Variants in AGBL3 observed in about 807,000 individuals in gnomAD.
The protein encoded by AGBL3 is AGBL carboxypeptidase 3, also known as cytosolic carboxypeptidase 3.
In AGBL3, 68 loss-of-function variants were observed where a neutral mutation model predicts 94.5. The ratio of observed to expected loss-of-function variants is 0.72; its 90% CI spans 0.59 to 0.88. AGBL3 has a LOEUF of 0.88. Ranked by LOEUF, AGBL3 falls within the 40% of genes least tolerant of loss-of-function variation. The pLI, the probability that AGBL3 is intolerant of heterozygous loss-of-function variation, is 0.00. For synonymous variants in AGBL3, 354 were observed against 370.7 expected (o/e 0.95, Z 0.52); for missense variants, 934 against 1,103.8 (o/e 0.85, Z 2.18).
chr7:135,081,649 A>C, intron 14 of AGBL3, 70 bp from the exon 15 acceptor site: 1 of 1,088,682 alleles, frequency 9.2e-7, no homozygotes, highest in Non-Finnish European at 1.3e-6. Flanking sequence ...CTTTGAAAAA[A>C]GATGAAAAAT....
intron 16 of AGBL3, among the ~76,000 whole-genome samples, chr7:135,124,378 G>A (rs746707514): frequency 6.6e-6 from 1 of 152,178 alleles, no homozygotes; most frequent in Non-Finnish European, 1.5e-5. Flanking sequence ...CCCAATACAG[G>A]AGCACCCAGA....
At chr7:135,040,106 T>C (rs2116510750) in intron 8 of AGBL3, among the ~76,000 whole-genome samples, 1 of 152,258 alleles carries the variant, frequency 6.6e-6, no homozygotes, top group East Asian at 1.9e-4. Flanking sequence ...TTTAACAACT[T>C]AGATGAAATG....
rs1318836038 is a variant in AGBL3 at position 135,045,838 on chromosome 7, CAT to C, written c.1772_1773del (p.Ile591AsnfsTer7). ...GAAAGAATTAGAAGAAATGGAAAGACATATAACCCTGGAAAAAGTCTTTGAGG... is the reference window on the plus strand; with the variant it reads ...GAAAGAATTAGAAGAAATGGAAAGACATAACCCTGGAAAAAGTCTTTGAGG... ...CLKELEEMER[H>X]ITLEKVFEDS... On this transcript the variant is annotated frameshift_variant, in exon 11 of 17. Coordinates refer to ENST00000436302, the MANE Select transcript of AGBL3 (RefSeq NM_178563.4). LOFTEE classifies it high-confidence loss of function. The C allele has an allele frequency of 6.4e-7, 1 of 1,550,878 alleles. No homozygotes were observed. The highest frequency in any genetic ancestry group is 1.4e-5 in the African/African-American group (1 of 73,112).
intron 4 of AGBL3, among the ~76,000 whole-genome samples, chr7:135,002,281 A>G (rs1289706698): frequency 1.3e-5 from 2 of 152,204 alleles, no homozygotes; most frequent in African/African-American, 2.4e-5. Context: ...GGCAGAGTCC[A>G]GGAGAGACTA....
At chr7:135,020,897 T>C (rs1167640344) in intron 5 of AGBL3, among the ~76,000 whole-genome samples, 3 of 93,304 alleles carry the variant, frequency 3.2e-5, no homozygotes, top group African/African-American at 4.3e-5. Flanking sequence ...CATCACACAC[T>C]GGGGCCTGTT....
Position 135,044,066 on chromosome 7 carries a change from A to G in AGBL3, c.1542A>G (p.Lys514=). 1 of 1,550,628 alleles carries G rather than the reference A, an allele frequency of 6.4e-7. No individual in the cohort carries two copies. The highest frequency in any genetic ancestry group is 2.4e-5 in the East Asian group (1 of 40,820). Reference sequence around the variant, plus strand: ...GCAAGTTTAATGTCCAGAAGAGCAAAGAAGGAACAGGAAGGGTGGTAATGT... The same window carrying G: ...GCAAGTTTAATGTCCAGAAGAGCAAGGAAGGAACAGGAAGGGTGGTAATGT... ...SACKFNVQKS[K]EGTGRVVMWK... The change falls in exon 9 of 17, where the codon AAA becomes AAG. Residue 514 remains lysine (K), a synonymous_variant. Transcript: ENST00000436302.
At chr7:135,011,128 A>G (rs889183597) in intron 4 of AGBL3, 5 of 152,192 alleles carry the variant, frequency 3.3e-5, no homozygotes, top group African/African-American at 1.2e-4. Flanking sequence ...AAACAGACCT[A>G]TGCATATATG....
chr7:135,000,151 T>G (rs1205933357), intron 4 of AGBL3, among the ~76,000 whole-genome samples: 1 of 152,246 alleles, frequency 6.6e-6, no homozygotes, highest in African/African-American at 2.4e-5. Flanking sequence ...TTAGAGTGTT[T>G]CTTTCACATC....
intron 11 of AGBL3, among the ~76,000 whole-genome samples, chr7:135,054,630 A>C (rs1293081471): frequency 6.6e-6 from 1 of 152,224 alleles, no homozygotes; most frequent in African/African-American, 2.4e-5. Context: ...TAAACTACTT[A>C]TGTAGTTTCT....
At chr7:135,089,867 T>G (rs1400606322) in intron 15 of AGBL3, among the ~76,000 whole-genome samples, 1 of 152,154 alleles carries the variant, frequency 6.6e-6, no homozygotes, top group Non-Finnish European at 1.5e-5. Flanking sequence ...ACCAGGGTCT[T>G]AGACTCAAGG....
chr7:135,080,191 A>G lies in AGBL3; in HGVS notation c.1981-12A>G, dbSNP rs1043307679. 2.0e-6 allele frequency: 3 copies of G among 1,536,374 alleles called. No homozygotes were observed. The highest frequency in any genetic ancestry group is 2.6e-6 in the Non-Finnish European group (3 of 1,133,726). On this transcript the variant is annotated splice_polypyrimidine_tract_variant and intron_variant, in intron 13 of 16. Coordinates refer to ENST00000436302, the MANE Select transcript of AGBL3 (RefSeq NM_178563.4). ...AAATAGCATTGTTTTCTTTGATTCT[A>G]CATTCCATTAGGTTTATGATAGAGG... is the stretch of plus-strand genomic sequence containing the variant.
At chr7:135,130,873 T>C (rs17231451) in intron 16 of AGBL3, among the ~76,000 whole-genome samples, 36,209 of 152,118 alleles carry the variant, frequency 0.24, 5,353 homozygotes, top group South Asian at 0.42. Flanking sequence ...TTGTTGGCCT[T>C]TTGAAAAATT....
Position 135,034,687 on chromosome 7 carries a change from G to A in AGBL3, c.1096G>A (p.Gly366Arg). The A allele has an allele frequency of 6.4e-7, 1 of 1,551,204 alleles. No homozygotes were observed. Among genetic ancestry groups the A allele is most frequent in the Non-Finnish European group, 8.7e-7 (1 of 1,146,752 alleles). ...AVILTARVHP[G>R]ETNSSWIMKG... ...GATTCTGACTGCAAGGGTCCATCCA[G>A]GGGAAACCAACAGCTCTTGGATCAT... is the stretch of plus-strand genomic sequence containing the variant. The change falls in exon 7 of 17, where the codon GGG (glycine) becomes AGG (arginine). Residue 366 changes from glycine (G) to arginine (R), a missense_variant. Gly to Arg is a moderately radical substitution (Grantham distance 125). Coordinates refer to ENST00000436302, the MANE Select transcript of AGBL3 (RefSeq NM_178563.4).
At chr7:135,055,433 A>G (rs1199342836) in intron 11 of AGBL3, among the ~76,000 whole-genome samples, 1 of 152,198 alleles carries the variant, frequency 6.6e-6, no homozygotes, top group Non-Finnish European at 1.5e-5. Flanking sequence ...AAGTTGAACA[A>G]GATTCCCTCT....
At chr7:135,089,755 G>T (rs1821616596) in intron 15 of AGBL3, among the ~76,000 whole-genome samples, 1 of 152,242 alleles carries the variant, frequency 6.6e-6, no homozygotes, top group South Asian at 2.1e-4. Flanking sequence ...ATAGTGGGAA[G>T]ACTTAGCTGA....
In AGBL3 at chr7:135,045,498, G is replaced by A; in HGVS notation, c.1652G>A (p.Ser551Asn). 6.4e-7 allele frequency: 1 copy of A among 1,551,138 alleles called. No homozygotes were observed. The highest frequency in any genetic ancestry group is 2.4e-5 in the East Asian group (1 of 40,896). The change falls in exon 10 of 17, where the codon AGC becomes AAC. Residue 551 changes from serine to asparagine, a missense_variant. Physicochemically the swap from Ser to Asn is conservative, Grantham distance 46 (BLOSUM62 1). Coordinates refer to ENST00000436302, the MANE Select transcript of AGBL3 (RefSeq NM_178563.4). Reference sequence around the variant, plus strand: ...GGTAACAAACGAGGCACTCATTTCAGCACGAAAGACCTGGAATCAATGGGA... The same window carrying A: ...GGTAACAAACGAGGCACTCATTTCAACACGAAAGACCTGGAATCAATGGGA... ...TLGNKRGTHF[S>N]TKDLESMGYH...
At chr7:135,114,792 C>A (rs1826095142) in intron 15 of AGBL3, among the ~76,000 whole-genome samples, 1 of 152,170 alleles carries the variant, frequency 6.6e-6, no homozygotes, top group African/African-American at 2.4e-5. Flanking sequence ...ACAACCAGCA[C>A]AATCTTGTCC....
intron 4 of AGBL3, among the ~76,000 whole-genome samples, chr7:135,002,159 A>C (rs1009462505): frequency 6.6e-6 from 1 of 152,176 alleles, no homozygotes; most frequent in Non-Finnish European, 1.5e-5. Flanking sequence ...GACCACCCCA[A>C]GGTTCAATGA....
intron 15 of AGBL3, chr7:135,093,859 T>C (rs760965289): frequency 2.6e-5 from 4 of 152,256 alleles, no homozygotes; most frequent in Non-Finnish European, 5.9e-5. Context: ...TACCAAGCTA[T>C]AGTAATTGAG....
Sources: allele counts gnomAD v4.1 joint callset (sites outside exome capture counted in the v4.1 genomes callset), GRCh38; gene constraint gnomAD v4.1.1; transcripts MANE v1.5; gene names NCBI Gene and HGNC (gene_info 2026-07-23, HGNC 2026-07-21).